The following MAN2B1 variants were observed in gnomAD, a reference collection of about 807,000 sequenced individuals.
MAN2B1 encodes lysosomal alpha-mannosidase.
In MAN2B1, 99 loss-of-function variants were observed where a neutral mutation model predicts 127.5. The ratio of observed to expected loss-of-function variants is 0.78; its 90% CI spans 0.66 to 0.92. MAN2B1 has a LOEUF of 0.92. Ranked by LOEUF, MAN2B1 falls within the 40% of genes least tolerant of loss-of-function variation. The pLI is 0.00. For missense variants in MAN2B1, 1,304 were observed against 1,384.8 expected (o/e 0.94, Z 0.93); for synonymous variants, 573 against 568.8 (o/e 1.01, Z -0.11).
Position 12,664,813 on chromosome 19 carries a change from C to T in MAN2B1, c.609G>A (p.Glu203=), listed in dbSNP as rs139290127. Residue 203 remains glutamate (E), a synonymous_variant, in exon 4 of 24, where the codon GAG becomes GAA. Coordinates refer to ENST00000456935, the MANE Select transcript of MAN2B1 (RefSeq NM_000528.4). The stretch of plus-strand genomic sequence containing the variant: ...GCACCTGCGCAAACAGCGAGGCCTG[C>T]TCCCGAGAGTGGCCGAAGGGGTCAA... ...WHIDPFGHSR[E]QASLFAQMGF... is the part of the protein sequence containing the mutation. 15 of 1,613,406 alleles carry T rather than the reference C, an allele frequency of 9.3e-6. No homozygotes were observed. In the South Asian group the frequency reaches 1.5e-4, roughly 17 times the overall value.
At position 12,664,798 on chromosome 19, in the gene MAN2B1, A is replaced by G. The variant is rs374524357; in HGVS notation, c.624T>C (p.Phe208=). The G allele has an allele frequency of 3.1e-6, 5 of 1,613,068 alleles. No individual in the cohort carries two copies. In the African/African-American group the frequency reaches 6.7e-5, roughly 22 times the overall value. Residue 208 remains phenylalanine, a synonymous_variant, in exon 4 of 24, where the codon TTT becomes TTC. Coordinates refer to ENST00000456935, the MANE Select transcript of MAN2B1 (RefSeq NM_000528.4). The part of the protein sequence containing the change: ...FGHSREQASL[F]AQMGFDGFFF... Reference sequence around the variant, plus strand: ...GAGAGGTCCCGGGTCGCACCTGCGCAAACAGCGAGGCCTGCTCCCGAGAGT... The same window carrying G: ...GAGAGGTCCCGGGTCGCACCTGCGCGAACAGCGAGGCCTGCTCCCGAGAGT...
rs1348633876 is a variant in MAN2B1 at position 12,656,555 on chromosome 19, C to T, written c.1644+16G>A. ...GGAGGAGTCCCAGCGGGGGAATATT[C>T]GTTGTTTGGGCTCACATCGCTGGGC... On this transcript the variant is annotated intron_variant, in intron 13 of 23. Transcript: ENST00000456935. The T allele has an allele frequency of 1.9e-6, 3 of 1,589,422 alleles. No homozygotes were observed. The African/African-American group carries it at 4.0e-5, about 21-fold the overall frequency.
intron 18 of MAN2B1, 46 bp from the exon 19 acceptor site, chr19:12,649,474 A>ACT: frequency 1.7e-6 from 1 of 592,328 alleles, no homozygotes; most frequent in Admixed American, 4.2e-5. Flanking sequence ...TGGCTCCCCA[A>ACT]CTCTTTTTTT....
At chr19:12,646,964 G>A (rs552022658) in intron 23 of MAN2B1, 3 of 607,796 alleles carry the variant, frequency 4.9e-6, no homozygotes, top group South Asian at 3.9e-5. Flanking sequence ...TGACCCCAGG[G>A]GTGATGAACA....
chr19:12,664,421 A>G lies in MAN2B1; in HGVS notation c.630+371T>C, dbSNP rs750676649. On this transcript the variant is annotated intron_variant, in intron 4 of 23. Transcript: ENST00000456935. ...CCAGGAATGAGGTTCCCCCTTCCAC[A>G]GCCTGAGGATGGATGGGGTCTGAGC... Among the ~76,000 whole-genome samples the G allele has an allele frequency of 6.2e-4, 95 of 152,128 alleles. 2 individuals are homozygous for G. Among genetic ancestry groups the G allele is most frequent in the Non-Finnish European group, 4.1e-4 (28 of 68,026 alleles).
chr19:12,658,519 G>A lies in MAN2B1; in HGVS notation c.1027-9C>T. ...CTGCTTCCTTTTGCCTGCTGCTGGG[G>A]GAGGCGACGGAGTGAGCCCTCGGGA... On this transcript the variant is annotated splice_polypyrimidine_tract_variant and intron_variant, in intron 7 of 23. Transcript: ENST00000456935. 1.9e-6 allele frequency: 3 copies of A among 1,613,896 alleles called. No homozygotes were observed. The highest frequency in any genetic ancestry group is 1.7e-6 in the Non-Finnish European group (2 of 1,179,906).
chr19:12,648,254 T>C lies in MAN2B1; in HGVS notation c.2585A>G (p.Gln862Arg), dbSNP rs2023744547. Residue 862 changes from glutamine to arginine, a missense_variant, in exon 21 of 24, where the codon CAG becomes CGG. Gln to Arg is a conservative substitution (Grantham distance 43). Transcript: ENST00000456935. ...CACCACCTGAGGGGCCAGGACCTCC[T>C]GCTCCGCCAGGAGCCGGTGTCCGGC... Reference protein sequence around the residue: ...AAAGHRLLAEQEVLAPQVVLA... With the variant: ...AAAGHRLLAEREVLAPQVVLA... 1.9e-6 allele frequency: 3 copies of C among 1,602,808 alleles called. No individual in the cohort carries two copies. The East Asian group carries it at 6.8e-5, about 36-fold the overall frequency.
intron 11 of MAN2B1, 150 bp from the exon 12 acceptor site, chr19:12,657,206 T>C: frequency 1.4e-6 from 1 of 706,396 alleles, no homozygotes; most frequent in Non-Finnish European, 2.5e-6. Flanking sequence ...TGCCCTTGAC[T>C]ATACCCCATA....
rs2023940827 is a variant in MAN2B1, at chr19:12,655,821, G to C, written c.1703C>G (p.Ala568Gly). Residue 568 changes from alanine (A) to glycine (G), a missense_variant, in exon 14 of 24, where the codon GCC becomes GGC. By Grantham distance (60) the Ala-to-Gly change is moderately conservative. Transcript: ENST00000456935. ...QAHPPELLFS[A>G]SLPALGFSTY... ...GCTGAAGCCCAGGGCGGGCAGTGAG[G>C]CTGAGAACAGCAGCTCCGGAGGGTG... 1 of 1,613,610 alleles carries C rather than the reference G, an allele frequency of 6.2e-7. No homozygotes were observed. Among genetic ancestry groups the C allele is most frequent in the Non-Finnish European group, 8.5e-7 (1 of 1,179,792 alleles).
chr19:12,651,829 G>T (rs1367058807), intron 16 of MAN2B1, among the ~76,000 whole-genome samples: 1 of 152,172 alleles, frequency 6.6e-6, no homozygotes, highest in Non-Finnish European at 1.5e-5. Flanking sequence ...TCTTCAAGCA[G>T]TGATATTTGG....
intron 14 of MAN2B1, among the ~76,000 whole-genome samples, chr19:12,654,777 C>T (rs1055078496): frequency 1.3e-5 from 2 of 151,910 alleles, no homozygotes; most frequent in Admixed American, 6.6e-5. Context: ...TGGGCTCAAG[C>T]AATCCTCCTT....
chr19:12,649,631 G>A lies in MAN2B1; in HGVS notation c.2268-203C>T, dbSNP rs142515497. Among the ~76,000 whole-genome samples, 1,496 of 151,796 alleles carry A rather than the reference G, an allele frequency of 9.9e-3. 27 individuals carry two copies. The highest frequency in any genetic ancestry group is 0.032 in the African/African-American group (1,321 of 41,338). ...CGAGTAGCTGGGACTACAGGTGCCC[G>A]CCACCACACCCGGCTGATTTTTTTG... is the stretch of plus-strand genomic sequence containing the variant. On this transcript the variant is annotated intron_variant, in intron 18 of 23. Transcript: ENST00000456935.
chr19:12,647,804 C>T lies in MAN2B1; in HGVS notation c.2665-206G>A, dbSNP rs2023730074. The T allele has an allele frequency of 5.0e-6, 3 of 605,518 alleles. No individual in the cohort carries two copies. The highest frequency in any genetic ancestry group is 8.8e-6 in the Non-Finnish European group (3 of 342,576). The allele number at this position is 605,518 out of a possible 1,614,324, so 37.5% of individuals were successfully genotyped here. A position where few individuals can be genotyped will look rare whatever the true frequency, so the allele number is the denominator to read the frequency against. On this transcript the variant is annotated intron_variant, in intron 21 of 23. Coordinates refer to ENST00000456935, the MANE Select transcript of MAN2B1 (RefSeq NM_000528.4). This position sits in a 1 kb window ranked among gnomAD's most constrained non-coding sequence, Gnocchi z 4.9. ...ATGGGTCGGTCCCAAGCTTAGGGTT[C>T]GAGTCCCGATGGAGCAGAACTGATG...
Position 12,646,553 on chromosome 19 carries a change from GGA to G in MAN2B1, c.*65_*66del. On this transcript the variant is annotated 3_prime_UTR_variant, in exon 24 of 24. Transcript: ENST00000456935. ...CGTTTTAATGGCAGCAGCCCCAAGA[GGA>G]GAGTCAGAGTCTGGTCTGCCCCCGG... is the stretch of plus-strand genomic sequence containing the variant. 8.3e-7 allele frequency: 1 copy of G among 1,202,064 alleles called. No individual in the cohort carries two copies. The highest frequency in any genetic ancestry group is 2.3e-5 in the East Asian group (1 of 42,926). The allele number at this position is 1,202,064 out of a possible 1,614,324, so 74.5% of individuals were successfully genotyped here. A position where few individuals can be genotyped will look rare whatever the true frequency, so the allele number is the denominator to read the frequency against.
chr19:12,658,695 C>T, intron 7 of MAN2B1, 185 bp from the exon 8 acceptor site: 1 of 621,010 alleles, frequency 1.6e-6, no homozygotes, highest in Non-Finnish European at 2.9e-6. Context: ...GACCACTAGC[C>T]TTTTTTAAAA....
At chr19:12,657,654 G>C in intron 10 of MAN2B1, 99 bp from the exon 11 acceptor site, 3 of 1,070,300 alleles carry the variant, frequency 2.8e-6, no homozygotes, top group Non-Finnish European at 4.2e-6. Context: ...ATTCTTAGAG[G>C]CTTTAAGAAG....
At chr19:12,652,341 A>G (rs909883632) in intron 15 of MAN2B1, 22 bp downstream of exon 15, 4 of 1,610,236 alleles carry the variant, frequency 2.5e-6, no homozygotes, top group African/African-American at 1.3e-5. Context: ...CCCCACCCTC[A>G]GGCCTGGTGA....
chr19:12,647,718 G>GT lies in MAN2B1; in HGVS notation c.2665-121_2665-120insA, dbSNP rs1568297464. On this transcript the variant is annotated intron_variant, in intron 21 of 23. Coordinates refer to ENST00000456935, the MANE Select transcript of MAN2B1 (RefSeq NM_000528.4). This position sits in a 1 kb window ranked among gnomAD's most constrained non-coding sequence, Gnocchi z 4.9. ...AGGGGCGGGGTTTCGCCGGAGAGGG[G>GT]CAAGGCTCAGCCGAGAGGAGCGGCC... 22 of 800,172 alleles carry GT rather than the reference G, an allele frequency of 2.7e-5. No homozygotes were observed. In the African/African-American group the frequency reaches 3.8e-4, roughly 14 times the overall value. 49.6% of individuals were successfully genotyped at this position (800,172 alleles called of 1,614,324 possible).
rs750179985 is a variant in MAN2B1, at chr19:12,649,939, GCTGT to G, written c.2237_2240del (p.Asp746AlafsTer19). ...TCCTCTCCAGGATCTCCCGGCCATT[GCTGT>G]CTGTGTAGAAGCGTCCCTTTGTCTC... On this transcript the variant is annotated frameshift_variant, in exon 18 of 24. Coordinates refer to ENST00000456935, the MANE Select transcript of MAN2B1 (RefSeq NM_000528.4). LOFTEE classifies it high-confidence loss of function. The G allele has an allele frequency of 1.2e-6, 2 of 1,612,646 alleles. No individual in the cohort carries two copies. Among genetic ancestry groups the G allele is most frequent in the South Asian group, 1.1e-5 (1 of 91,040 alleles).
Sources: gnomAD v4.1 joint callset for allele counts (sites outside exome capture counted in the v4.1 genomes callset) on GRCh38, gnomAD v4.1.1 for gene constraint, Gnocchi (gnomAD v3.1) non-coding constraint, MANE v1.5 for transcripts, NCBI Gene and HGNC (gene_info 2026-07-23, HGNC 2026-07-21) for gene names.